NRG1: variants seen among roughly 807,000 people sequenced by gnomAD.
NRG1 encodes neuregulin 1.
NRG1 carries 18 observed loss-of-function variants against 63.8 expected under a neutral mutation model. The observed-to-expected ratio is 0.28, with a 90% CI of 0.19 to 0.42. The LOEUF is 0.42. Ranked by LOEUF, NRG1 falls within the 10% of genes least tolerant of loss-of-function variation. The pLI, the probability that NRG1 is intolerant of heterozygous loss-of-function variation, is 1.00. For synonymous variants in NRG1, 302 were observed against 301.3 expected (o/e 1.00, Z -0.02); for missense variants, 762 against 814.7 (o/e 0.94, Z 0.79).
chr8:32,159,260 C>T (rs1318633287), intron 1 of NRG1, among the ~76,000 whole-genome samples: 1 of 152,242 alleles, frequency 6.6e-6, no homozygotes, highest in African/African-American at 2.4e-5. Flanking sequence ...CTTGGCCGGG[C>T]GCGGTGGCTC....
intron 1 of NRG1, among the ~76,000 whole-genome samples, chr8:32,581,179 C>T (rs1840567878): frequency 1.3e-5 from 2 of 152,178 alleles, no homozygotes. Flanking sequence ...AGCAATGTAA[C>T]TGATGCACAA....
chr8:32,642,175 G>C (rs534180288), intron 5 of NRG1, among the ~76,000 whole-genome samples: 2 of 152,278 alleles, frequency 1.3e-5, no homozygotes, highest in Non-Finnish European at 2.9e-5. Context: ...ATTTTAGATA[G>C]TTGGCTATGA....
chr8:32,441,334 A>T (rs1819517952), intron 1 of NRG1: 1 of 152,124 alleles, frequency 6.6e-6, no homozygotes. Context: ...GGAAGCACAG[A>T]CTGAGCTCTA....
intron 5 of NRG1, among the ~76,000 whole-genome samples, chr8:32,666,139 T>C (rs796540077): frequency 5.9e-5 from 9 of 152,344 alleles, no homozygotes; most frequent in African/African-American, 2.2e-4. Context: ...AAGAGAAGGC[T>C]ACATTTTTCC....
At chr8:32,638,609 G>T (rs1851768236) in intron 5 of NRG1, among the ~76,000 whole-genome samples, 1 of 152,086 alleles carries the variant, frequency 6.6e-6, no homozygotes, top group East Asian at 1.9e-4. Flanking sequence ...ATCACGGGCA[G>T]GAGCGACCAT....
At chr8:31,926,248 T>G (rs1321183984) in intron 1 of NRG1, among the ~76,000 whole-genome samples, 19 of 152,130 alleles carry the variant, frequency 1.2e-4, no homozygotes, top group Admixed American at 1.1e-3. Context: ...GCCTTTTTTC[T>G]TTATAGGTCC....
intron 1 of NRG1, among the ~76,000 whole-genome samples, chr8:31,961,398 A>G (rs1036792284): frequency 6.6e-6 from 1 of 152,206 alleles, no homozygotes; most frequent in Admixed American, 6.5e-5. Context: ...AGTGAATACA[A>G]CATCTCACTC....
chr8:32,763,418 T>A lies in NRG1; in HGVS notation c.1260-330T>A, dbSNP rs145817326. 1,268 of 1,566,676 alleles carry A rather than the reference T, an allele frequency of 8.1e-4. 20 individuals carry two copies. In the East Asian group the frequency reaches 0.025, roughly 31 times the overall value. ...GAATCCCTGAGCCTTGGTCCTTATA[T>A]AAGCTGAGAGGTTTCCAGGACCTAA... On this transcript the variant is annotated intron_variant, in intron 11 of 11. Coordinates refer to ENST00000356819, the Ensembl canonical transcript of NRG1.
intron 1 of NRG1, among the ~76,000 whole-genome samples, chr8:32,480,166 C>T (rs565749247): frequency 2.0e-5 from 3 of 152,046 alleles, no homozygotes; most frequent in East Asian, 1.9e-4. Context: ...AAGCAGAGCA[C>T]GTGGTCCCAG....
At chr8:31,983,111 G>GA (rs1166165861) in intron 1 of NRG1, among the ~76,000 whole-genome samples, 1 of 151,978 alleles carries the variant, frequency 6.6e-6, no homozygotes, top group Non-Finnish European at 1.5e-5. Context: ...CAGCCCCCTG[G>GA]AAAAAAGTCT....
intron 1 of NRG1, among the ~76,000 whole-genome samples, chr8:31,761,309 AGG>A (rs1053075809): frequency 4.0e-5 from 6 of 151,758 alleles, no homozygotes; most frequent in Non-Finnish European, 7.4e-5. Flanking sequence ...TTGTGGGGTG[AGG>A]GGAGTGGGGA....
chr8:32,083,601 C>T, intron 1 of NRG1, among the ~76,000 whole-genome samples: 1 of 152,096 alleles, frequency 6.6e-6, no homozygotes, highest in East Asian at 1.9e-4. Flanking sequence ...ATAGCACCAC[C>T]CTTATGCTTA....
intron 5 of NRG1, among the ~76,000 whole-genome samples, chr8:32,626,162 C>T (rs190278568): frequency 6.6e-6 from 1 of 152,076 alleles, no homozygotes. Flanking sequence ...CAGCATGAGG[C>T]TAGGAAATGT....
intron 1 of NRG1, among the ~76,000 whole-genome samples, chr8:31,948,664 T>A (rs1563605010): frequency 6.6e-6 from 1 of 152,204 alleles, no homozygotes; most frequent in Non-Finnish European, 1.5e-5. Flanking sequence ...ATTTCCTGTG[T>A]CCTAATGAGA....
chr8:31,968,669 A>G (rs1384371640), intron 1 of NRG1, among the ~76,000 whole-genome samples: 1 of 152,016 alleles, frequency 6.6e-6, no homozygotes, highest in African/African-American at 2.4e-5. Flanking sequence ...ATCATATACT[A>G]TCGTAAGTGA....
intron 1 of NRG1, among the ~76,000 whole-genome samples, chr8:32,316,643 G>C (rs1425628838): frequency 7.2e-5 from 11 of 152,124 alleles, no homozygotes; most frequent in African/African-American, 2.7e-4. Context: ...AGAGCAATGT[G>C]ATGAAAGCTT....
intron 1 of NRG1, among the ~76,000 whole-genome samples, chr8:32,435,474 T>C (rs150027789): frequency 0.013 from 1,993 of 152,312 alleles, 39 homozygotes; most frequent in African/African-American, 0.046. Context: ...CAATTCTTTG[T>C]TGGCTAGCAG....
At chr8:31,705,146 C>T (rs1042720872) in intron 1 of NRG1, among the ~76,000 whole-genome samples, 1 of 152,028 alleles carries the variant, frequency 6.6e-6, no homozygotes, top group Admixed American at 6.5e-5. Context: ...AAGCGATTCT[C>T]CTGCCTCAGC....
chr8:32,150,445 A>T (rs756270728), intron 1 of NRG1, among the ~76,000 whole-genome samples: 8 of 152,298 alleles, frequency 5.3e-5, no homozygotes, highest in Admixed American at 2.6e-4. Context: ...CTCCATATGC[A>T]TGAATGGGTT....
Sources: gnomAD v4.1 joint callset for allele counts (sites outside exome capture counted in the v4.1 genomes callset) on GRCh38, gnomAD v4.1.1 for gene constraint, MANE v1.5 for transcripts, NCBI Gene and HGNC (gene_info 2026-07-23, HGNC 2026-07-21) for gene names.